The following RDX variants were observed in gnomAD, a reference collection of about 807,000 sequenced individuals.
The protein encoded by RDX is deafness, autosomal recessive 24.
A neutral mutation model predicts 83.7 loss-of-function variants in RDX; 32 were observed. The ratio of observed to expected loss-of-function variants is 0.38; its 90% CI spans 0.29 to 0.51. The LOEUF (loss-of-function observed/expected upper bound fraction) is 0.51. RDX is among the 20% of genes least tolerant of loss of function. RDX has a pLI of 0.87. For synonymous variants in RDX, 229 were observed against 222.7 expected (o/e 1.03, Z -0.25); for missense variants, 600 against 689.9 (o/e 0.87, Z 1.46).
At chr11:110,282,636 G>A (rs1363360089) in intron 1 of RDX, among the ~76,000 whole-genome samples, 1 of 152,038 alleles carries the variant, frequency 6.6e-6, no homozygotes, top group African/African-American at 2.4e-5. Flanking sequence ...AATACTAAAT[G>A]ACATAGGAAG....
intron 10 of RDX, among the ~76,000 whole-genome samples, chr11:110,240,645 T>A (rs1309187218): frequency 6.1e-5 from 9 of 147,558 alleles, no homozygotes; most frequent in African/African-American, 2.0e-4. Context: ...CTCGGGAGGC[T>A]GAGGCAGGAG....
chr11:110,215,227 T>A (rs1241502828), intron 14 of RDX, among the ~76,000 whole-genome samples: 1 of 149,674 alleles, frequency 6.7e-6, no homozygotes, highest in Non-Finnish European at 1.5e-5. Context: ...CCGGGCGTGA[T>A]GGGTGGGCGC....
At chr11:110,180,788 A>C (rs895442829) in intron 15 of RDX, among the ~76,000 whole-genome samples, 2 of 150,434 alleles carry the variant, frequency 1.3e-5, no homozygotes, top group South Asian at 4.3e-4. Flanking sequence ...TGCTGCGTGG[A>C]TCCTTCTCTC....
At chr11:110,259,026 G>A (rs1438008895) in intron 5 of RDX, among the ~76,000 whole-genome samples, 2 of 151,944 alleles carry the variant, frequency 1.3e-5, no homozygotes, top group African/African-American at 2.4e-5. Flanking sequence ...TGTGTGCCAC[G>A]ATGCTCTCGG....
At chr11:110,241,731 T>C (rs763961834) in intron 10 of RDX, among the ~76,000 whole-genome samples, 3 of 152,200 alleles carry the variant, frequency 2.0e-5, no homozygotes, top group Non-Finnish European at 2.9e-5. Flanking sequence ...CTCAAACCAA[T>C]ACCTGAATAT....
intron 5 of RDX, among the ~76,000 whole-genome samples, chr11:110,262,718 A>G (rs1320484944): frequency 6.6e-6 from 1 of 152,216 alleles, no homozygotes; most frequent in African/African-American, 2.4e-5. Flanking sequence ...AATTATAATC[A>G]TAAACTAGAA....
chr11:110,251,774 G>A (rs1457355142), intron 9 of RDX, among the ~76,000 whole-genome samples: 2 of 152,098 alleles, frequency 1.3e-5, no homozygotes, highest in Non-Finnish European at 1.5e-5. Flanking sequence ...AAACTACATG[G>A]AATAACCACT....
intron 7 of RDX, among the ~76,000 whole-genome samples, chr11:110,255,954 C>T (rs1859528606): frequency 6.6e-6 from 1 of 152,110 alleles, no homozygotes; most frequent in Non-Finnish European, 1.5e-5. Context: ...TAAACACTCA[C>T]ATACATAAAT....
chr11:110,174,934 C>G (rs1260497295), exon 16 of RDX: 1 of 152,218 alleles, frequency 6.6e-6, no homozygotes, highest in Non-Finnish European at 1.5e-5. Context: ...TGAACTAGTG[C>G]TGTATTTTTA....
At chr11:110,236,285 A>T in intron 11 of RDX, 94 bp from the exon 12 acceptor site, 2 of 906,454 alleles carry the variant, frequency 2.2e-6, no homozygotes, top group Non-Finnish European at 3.5e-6. Context: ...TAGGCTGTTT[A>T]TGTTTTTCTT....
intron 2 of RDX, among the ~76,000 whole-genome samples, chr11:110,276,613 C>G (rs1860530091): frequency 6.6e-6 from 1 of 152,132 alleles, no homozygotes; most frequent in Admixed American, 6.5e-5. Context: ...CTATACATGA[C>G]TATGGTTTTC....
intron 15 of RDX, among the ~76,000 whole-genome samples, chr11:110,177,191 G>A (rs1862792133): frequency 6.6e-6 from 1 of 152,250 alleles, no homozygotes. Flanking sequence ...TCCACCCGGG[G>A]ACAGGAACGG....
chr11:110,212,266 T>C (rs1863865598), intron 14 of RDX, among the ~76,000 whole-genome samples: 1 of 151,910 alleles, frequency 6.6e-6, no homozygotes, highest in Non-Finnish European at 1.5e-5. Flanking sequence ...ACACATACAT[T>C]CTCCCAAGAC....
At chr11:110,186,805 C>G (rs1041075399) in intron 15 of RDX, among the ~76,000 whole-genome samples, 6 of 152,174 alleles carry the variant, frequency 3.9e-5, no homozygotes, top group African/African-American at 1.4e-4. Flanking sequence ...GACCCGGGAT[C>G]AAGAGAAGGA....
At chr11:110,190,452 T>C (rs1863082004) in intron 15 of RDX, among the ~76,000 whole-genome samples, 1 of 152,026 alleles carries the variant, frequency 6.6e-6, no homozygotes. Flanking sequence ...CAAGTCTCCA[T>C]CTTAAATAAA....
chr11:110,244,234 C>T (rs776536564), intron 10 of RDX, among the ~76,000 whole-genome samples: 10 of 151,690 alleles, frequency 6.6e-5, no homozygotes, highest in South Asian at 2.1e-4. Context: ...TGGTGGTGGA[C>T]GCCTGTAATC....
intron 3 of RDX, among the ~76,000 whole-genome samples, chr11:110,272,334 G>C (rs538312636): frequency 1.3e-5 from 2 of 152,290 alleles, no homozygotes; most frequent in African/African-American, 4.8e-5. Context: ...TTTTCAAGAA[G>C]TCCTCTCCCA....
rs777339846 is a variant in RDX at position 110,236,061 on chromosome 11, G to T, written c.1344+38C>A. On this transcript the variant is annotated intron_variant, in intron 12 of 13. Transcript: ENST00000645495. ...AGTCAGCATAATCCTGGGTATAAAA[G>T]CTATTCAATAAAAGCTAGTAAATGA... The T allele has an allele frequency of 7.2e-6, 10 of 1,382,616 alleles. No individual in the cohort carries two copies. In the Admixed American group the frequency reaches 1.2e-4, roughly 16 times the overall value. The allele number at this position is 1,382,616 out of a possible 1,614,324, so 85.6% of individuals were successfully genotyped here. A position where few individuals can be genotyped will look rare whatever the true frequency, so the allele number is the denominator to read the frequency against.
At chr11:110,252,645 C>T (rs1226570105) in intron 9 of RDX, among the ~76,000 whole-genome samples, 1 of 152,112 alleles carries the variant, frequency 6.6e-6, no homozygotes, top group East Asian at 1.9e-4. Flanking sequence ...TAAGAATGTA[C>T]TGTATAGAAA....
Sources: allele counts gnomAD v4.1 joint callset (sites outside exome capture counted in the v4.1 genomes callset), GRCh38; gene constraint gnomAD v4.1.1; transcripts MANE v1.5; gene names NCBI Gene and HGNC (gene_info 2026-07-23, HGNC 2026-07-21).